Variants in TAOK3 observed in about 807,000 individuals in gnomAD.
TAOK3 encodes serine/threonine-protein kinase TAO3.
A neutral mutation model predicts 120.4 loss-of-function variants in TAOK3; 40 were observed. That is an observed-to-expected ratio of 0.33 (90% CI 0.26 to 0.43). The LOEUF (loss-of-function observed/expected upper bound fraction) is 0.43, where lower values mean the gene tolerates loss of function less well. TAOK3 is among the 20% of genes least tolerant of loss of function. The pLI is 1.00. For synonymous variants in TAOK3, 355 were observed against 387.5 expected, an observed-to-expected ratio of 0.92 and a Z score of 0.99; for missense variants, 821 against 1,112.1, an observed-to-expected ratio of 0.74 and a Z score of 3.72.
intron 1 of TAOK3, among the ~76,000 whole-genome samples, chr12:118,269,942 C>A (rs150739998): frequency 1.5e-4 from 23 of 152,306 alleles, no homozygotes; most frequent in African/African-American, 5.1e-4. Context: ...TCTCTTGGAT[C>A]CCATGAAACT....
intron 1 of TAOK3, among the ~76,000 whole-genome samples, chr12:118,303,214 A>G (rs1352123369): frequency 5.3e-5 from 8 of 152,200 alleles, no homozygotes; most frequent in Non-Finnish European, 1.2e-4. Context: ...TTAAAATTGA[A>G]ATCAGCCCCC....
intron 13 of TAOK3, chr12:118,198,540 C>T (rs900598818): frequency 1.8e-5 from 3 of 167,236 alleles, no homozygotes; most frequent in Non-Finnish European, 3.9e-5. Flanking sequence ...GCATATGTCA[C>T]CAGGCCCGGC....
intron 1 of TAOK3, among the ~76,000 whole-genome samples, chr12:118,360,203 T>C (rs1593697357): frequency 6.6e-6 from 1 of 150,590 alleles, no homozygotes; most frequent in Non-Finnish European, 1.5e-5. Context: ...AGGCGGAGGC[T>C]GCAGTGAGCC....
intron 1 of TAOK3, among the ~76,000 whole-genome samples, chr12:118,267,221 A>G (rs2041488511): frequency 6.6e-6 from 1 of 151,846 alleles, no homozygotes; most frequent in African/African-American, 2.4e-5. Context: ...ATTATTATTT[A>G]TTTATTTTTT....
intron 1 of TAOK3, among the ~76,000 whole-genome samples, chr12:118,295,678 C>T (rs2042653391): frequency 1.3e-5 from 2 of 152,172 alleles, no homozygotes; most frequent in African/African-American, 4.8e-5. Context: ...GAATTTGTTT[C>T]AATAATACTG....
intron 1 of TAOK3, among the ~76,000 whole-genome samples, chr12:118,337,440 T>C (rs2044412029): frequency 3.3e-5 from 5 of 152,358 alleles, no homozygotes; most frequent in East Asian, 1.9e-4. Flanking sequence ...TGGAGAATTA[T>C]GTTTACATAA....
In TAOK3 at chr12:118,159,895, C is replaced by T. The variant is rs1592975654; in HGVS notation, c.2352+251G>A. On this transcript the variant is annotated intron_variant, in intron 19 of 20. Coordinates refer to ENST00000392533, the MANE Select transcript of TAOK3 (RefSeq NM_016281.4). Reference sequence around the variant, plus strand: ...TCATATGTGGTATCTATCACATTTGCCCTCAAAGTCCCTATGTGCCACAGG... The same window carrying T: ...TCATATGTGGTATCTATCACATTTGTCCTCAAAGTCCCTATGTGCCACAGG... 1.1e-5 allele frequency: 6 copies of T among 535,628 alleles called. No homozygotes were observed. In the East Asian group the frequency reaches 1.6e-4, roughly 14 times the overall value. 33.2% of individuals were successfully genotyped at this position (535,628 alleles called of 1,614,324 possible). A position where few individuals can be genotyped will look rare whatever the true frequency, so the allele number is the denominator to read the frequency against.
At chr12:118,240,990 T>C (rs2040227033) in intron 5 of TAOK3, among the ~76,000 whole-genome samples, 2 of 149,440 alleles carry the variant, frequency 1.3e-5, no homozygotes, top group Admixed American at 1.3e-4. Flanking sequence ...TAAATATCAA[T>C]ATATATGAAC....
At chr12:118,287,060 C>T (rs1202741907) in intron 1 of TAOK3, among the ~76,000 whole-genome samples, 1 of 151,972 alleles carries the variant, frequency 6.6e-6, no homozygotes, top group Non-Finnish European at 1.5e-5. Flanking sequence ...ACTTTGGGGA[C>T]TCGGGGAAAG....
In TAOK3 at chr12:118,338,786, C is replaced by CAA. The variant is rs71069438; in HGVS notation, c.-194+33860_-194+33861dup. Among the ~76,000 whole-genome samples, 256 of 49,850 alleles carry CAA rather than the reference C, an allele frequency of 5.1e-3. 6 individuals carry two copies. The highest frequency in any genetic ancestry group is 0.012 in the East Asian group (17 of 1,472). The allele number at this position is 49,850 out of a possible 152,430, so 32.7% of individuals were successfully genotyped here. A position where few individuals can be genotyped will look rare whatever the true frequency, so the allele number is the denominator to read the frequency against. The stretch of plus-strand genomic sequence containing the variant: ...TGGTCGACAGAGTGAGACTCCGTCT[C>CAA]AAAAAAAAAAAAAAAAAAAAAAAAA... On this transcript the variant is annotated intron_variant, in intron 1 of 20. Coordinates refer to ENST00000392533, the MANE Select transcript of TAOK3 (RefSeq NM_016281.4).
chr12:118,344,008 TA>T (rs556715280), intron 1 of TAOK3, among the ~76,000 whole-genome samples: 488 of 133,678 alleles, frequency 3.7e-3, no homozygotes, highest in Middle Eastern at 7.9e-3. Flanking sequence ...CGAGACTGTC[TA>T]AAAAAAAAAA....
intron 11 of TAOK3, among the ~76,000 whole-genome samples, chr12:118,209,858 C>T (rs866989415): frequency 2.3e-4 from 35 of 151,910 alleles, no homozygotes; most frequent in African/African-American, 7.5e-4. Flanking sequence ...GGACTAAAGG[C>T]GCATGCCACT....
In TAOK3 at chr12:118,172,610, G is replaced by A; in HGVS notation, c.1746C>T (p.Ile582=). 6.2e-7 allele frequency: 1 copy of A among 1,614,156 alleles called. No individual in the cohort carries two copies. The highest frequency in any genetic ancestry group is 8.5e-7 in the Non-Finnish European group (1 of 1,180,032). ...STPKKEKQER[I]SKHKENLQHT... is the part of the protein sequence containing the mutation. ...GCTGCAAGTTCTCTTTATGTTTGGA[G>A]ATCCGCTCTTGCTTCTCTTTCTTGG... is the stretch of plus-strand genomic sequence containing the variant. The change falls in exon 17 of 21, where the codon ATC becomes ATT. Residue 582 remains isoleucine (I), a synonymous_variant. Coordinates refer to ENST00000392533, the MANE Select transcript of TAOK3 (RefSeq NM_016281.4).
At chr12:118,211,613 C>CTT (rs5801272) in intron 11 of TAOK3, among the ~76,000 whole-genome samples, 10 of 137,324 alleles carry the variant, frequency 7.3e-5, no homozygotes, top group Non-Finnish European at 1.2e-4. Flanking sequence ...TCATATTTTC[C>CTT]TTTTTTTTTT....
At chr12:118,315,373 C>T (rs1283704304) in intron 1 of TAOK3, among the ~76,000 whole-genome samples, 1 of 151,950 alleles carries the variant, frequency 6.6e-6, no homozygotes, top group African/African-American at 2.4e-5. Context: ...GACACATTTC[C>T]AAAACACAAT....
chr12:118,181,260 G>A, intron 15 of TAOK3, 111 bp downstream of exon 15: 1 of 963,312 alleles, frequency 1.0e-6, no homozygotes, highest in Non-Finnish European at 1.6e-6. Context: ...TGCCACCCCG[G>A]AAACAACAAT....
At chr12:118,168,889 C>T (rs1172858638) in intron 17 of TAOK3, among the ~76,000 whole-genome samples, 1 of 152,104 alleles carries the variant, frequency 6.6e-6, no homozygotes, top group African/African-American at 2.4e-5. Flanking sequence ...TGGCCATTAG[C>T]CTTTTTCATT....
chr12:118,230,083 G>C (rs969549213), intron 9 of TAOK3, among the ~76,000 whole-genome samples: 1 of 152,126 alleles, frequency 6.6e-6, no homozygotes, highest in African/African-American at 2.4e-5. Flanking sequence ...GAGGCATTGG[G>C]GGGCTTCTTC....
Position 118,161,136 on chromosome 12 carries a change from C to T in TAOK3, c.2139+652G>A, listed in dbSNP as rs16948163. On this transcript the variant is annotated intron_variant, in intron 18 of 20. Transcript: ENST00000392533. This position sits in a 1 kb window ranked among gnomAD's most constrained non-coding sequence, Gnocchi z 4.5. ...TTAGCTTAGAATTTGACTGAAGAGA[C>T]GCATAGCCAGTGTGATCCAGGTTGG... Among the ~76,000 whole-genome samples the T allele has an allele frequency of 5.2e-3, 799 of 152,306 alleles. 9 individuals carry two copies. Among genetic ancestry groups the T allele is most frequent in the African/African-American group, 0.018 (745 of 41,554 alleles).
Sources: gnomAD v4.1 joint callset for allele counts (sites outside exome capture counted in the v4.1 genomes callset) on GRCh38, gnomAD v4.1.1 for gene constraint, Gnocchi (gnomAD v3.1) non-coding constraint, MANE v1.5 for transcripts, NCBI Gene and HGNC (gene_info 2026-07-23, HGNC 2026-07-21) for gene names.